ARHGAP39: variants seen among roughly 807,000 people sequenced by gnomAD.
ARHGAP39 encodes Rho GTPase activating protein 39.
In ARHGAP39, 44 loss-of-function variants were observed where a neutral mutation model predicts 106.9. That is an observed-to-expected ratio of 0.41 (90% CI 0.32 to 0.53). ARHGAP39 has a LOEUF of 0.53. Ranked by LOEUF, ARHGAP39 falls within the 20% of genes least tolerant of loss-of-function variation. The pLI is 0.21. For missense variants in ARHGAP39, 1,496 were observed against 1,577.3 expected, an observed-to-expected ratio of 0.95 and a Z score of 0.87; for synonymous variants, 768 against 693.2, an observed-to-expected ratio of 1.11 and a Z score of -1.69.
chr8:144,652,764 G>A (rs1003824681), intron 1 of ARHGAP39, among the ~76,000 whole-genome samples: 1 of 152,050 alleles, frequency 6.6e-6, no homozygotes, highest in Non-Finnish European at 1.5e-5. Flanking sequence ...CCTGAGGGTG[G>A]AGGGTGGGGA....
In ARHGAP39 at chr8:144,545,625, G is replaced by A. The variant is rs1817382051; in HGVS notation, c.2145C>T (p.Ser715=). Reference sequence around the variant, plus strand: ...TGCTCCAGGCCAGCATGTTGGCGATGGACACCTTCCGCCGGAAGAGGCCCT... The same window carrying A: ...TGCTCCAGGCCAGCATGTTGGCGATAGACACCTTCCGCCGGAAGAGGCCCT... ...HTQGLFRRKV[S]IANMLAWSSE... Residue 715 remains serine (S), a synonymous_variant, in exon 6 of 12, where the codon TCC becomes TCT. Coordinates refer to ENST00000377307, the MANE Select transcript of ARHGAP39 (RefSeq NM_025251.3). The A allele has an allele frequency of 6.2e-7, 1 of 1,613,730 alleles. No individual in the cohort carries two copies. Among genetic ancestry groups the A allele is most frequent in the African/African-American group, 1.3e-5 (1 of 75,058 alleles).
intron 1 of ARHGAP39, among the ~76,000 whole-genome samples, chr8:144,614,577 T>G (rs964540552): frequency 6.6e-6 from 1 of 152,228 alleles, no homozygotes; most frequent in African/African-American, 2.4e-5. Flanking sequence ...GGTCTTGAAC[T>G]CCTGGCCTCA....
chr8:144,584,429 CTT>C (rs1408898949), intron 2 of ARHGAP39, among the ~76,000 whole-genome samples: 1 of 151,256 alleles, frequency 6.6e-6, no homozygotes, highest in Admixed American at 6.6e-5. Flanking sequence ...TGTTAAATAG[CTT>C]TGTTTCCTCA....
intron 1 of ARHGAP39, among the ~76,000 whole-genome samples, chr8:144,620,630 G>A (rs1225056492): frequency 1.3e-5 from 2 of 150,848 alleles, no homozygotes; most frequent in Non-Finnish European, 3.0e-5. Context: ...CATGCCCACT[G>A]CTCAAGCAGC....
intron 1 of ARHGAP39, among the ~76,000 whole-genome samples, chr8:144,657,794 T>G (rs1157221481): frequency 6.6e-6 from 1 of 152,180 alleles, no homozygotes; most frequent in East Asian, 1.9e-4. Flanking sequence ...CACCATTTAT[T>G]CTAAATAAAA....
At chr8:144,615,702 C>T (rs11993884) in intron 1 of ARHGAP39, among the ~76,000 whole-genome samples, 4,285 of 152,338 alleles carry the variant, frequency 0.028, 204 homozygotes, top group African/African-American at 0.098. Flanking sequence ...AAGTTCCACT[C>T]TCAATGCTGT....
chr8:144,619,987 C>T (rs573116500), intron 1 of ARHGAP39, among the ~76,000 whole-genome samples: 52 of 135,352 alleles, frequency 3.8e-4, no homozygotes, highest in Admixed American at 2.2e-3. Flanking sequence ...CATCTGAGAG[C>T]GTGTGTGCCC....
intron 2 of ARHGAP39, chr8:144,584,102 T>A (rs1406568198): frequency 6.6e-6 from 1 of 152,282 alleles, no homozygotes; most frequent in East Asian, 1.9e-4. Context: ...TACATGTATA[T>A]AGTTGTCTAG....
intron 1 of ARHGAP39, among the ~76,000 whole-genome samples, chr8:144,616,277 T>C (rs1820633742): frequency 6.6e-6 from 1 of 152,202 alleles, no homozygotes; most frequent in African/African-American, 2.4e-5. Flanking sequence ...TCTGTGTCCA[T>C]GGTCAAAAGA....
intron 2 of ARHGAP39, among the ~76,000 whole-genome samples, chr8:144,599,467 T>C (rs962907658): frequency 6.6e-6 from 1 of 152,214 alleles, no homozygotes; most frequent in Non-Finnish European, 1.5e-5. Flanking sequence ...AACATCTGTT[T>C]ATTCTTCACA....
rs756218995 is a variant in ARHGAP39 at position 144,547,233 on chromosome 8, C to G, written c.1853G>C (p.Arg618Thr). 6.2e-7 allele frequency: 1 copy of G among 1,612,642 alleles called. No homozygotes were observed. Among genetic ancestry groups the G allele is most frequent in the Admixed American group, 1.7e-5 (1 of 60,002 alleles). Residue 618 changes from arginine (R) to threonine (T), a missense_variant, in exon 5 of 12, where the codon AGG (arginine) becomes ACG (threonine). This residue lies in a region of ARHGAP39 where 905 missense variants were observed against 816.4 expected (regional missense o/e 1.11). Coordinates refer to ENST00000377307, the MANE Select transcript of ARHGAP39 (RefSeq NM_025251.3). The surrounding 1 kb of genome is among the most constrained non-coding windows in gnomAD (Gnocchi z 5.2). ...GCCTAGCTTCTCGAAGGTGCCCCTCCTCCAGTGCCTGTTCTCCTGCTGGGC... is the reference window on the plus strand; with the variant it reads ...GCCTAGCTTCTCGAAGGTGCCCCTCGTCCAGTGCCTGTTCTCCTGCTGGGC... ...ALAQQENRHW[R>T]RGTFEKLGFP...
Position 144,656,807 on chromosome 8 carries a change from C to CAAAAAAAAAAAA in ARHGAP39, c.-82+28867_-82+28878dup, listed in dbSNP as rs35058065. On this transcript the variant is annotated intron_variant, in intron 1 of 11. Transcript: ENST00000377307. ...TGGATGACAGAGCAAGACTCCATCT[C>CAAAAAAAAAAAA]AAAAAAAAAAAAAAAAAAAAAAAAA... Among the ~76,000 whole-genome samples the CAAAAAAAAAAAA allele has an allele frequency of 4.7e-5, 2 of 42,344 alleles. 1 individual carries two copies. The highest frequency in any genetic ancestry group is 1.8e-4 in the African/African-American group (2 of 11,068). 27.8% of individuals were successfully genotyped at this position (42,344 alleles called of 152,430 possible). A position where few individuals can be genotyped will look rare whatever the true frequency, so the allele number is the denominator to read the frequency against.
At chr8:144,602,126 GGTGT>G (rs767800768) in intron 2 of ARHGAP39, among the ~76,000 whole-genome samples, 7 of 140,178 alleles carry the variant, frequency 5.0e-5, no homozygotes, top group Admixed American at 1.5e-4. Context: ...TGTGCATGGA[GGTGT>G]GTGTGCGAGC....
intron 1 of ARHGAP39, among the ~76,000 whole-genome samples, chr8:144,630,602 G>C (rs966918468): frequency 4.4e-4 from 67 of 152,320 alleles, no homozygotes; most frequent in African/African-American, 1.6e-3. Flanking sequence ...TTTCCTATTT[G>C]CTGTGGTGTG....
In ARHGAP39 at chr8:144,645,194, T is replaced by C. The variant is rs1023328493; in HGVS notation, c.-81-39499A>G. Among the ~76,000 whole-genome samples, 1 of 152,220 alleles carries C rather than the reference T, an allele frequency of 6.6e-6. No individual in the cohort carries two copies. The highest frequency in any genetic ancestry group is 2.4e-5 in the African/African-American group (1 of 41,462). Reference sequence around the variant, plus strand: ...TCATACTCAGAGCTGCAGATGCCAGTGCAACCATGTGGAGAAGAAGCTGGA... The same window carrying C: ...TCATACTCAGAGCTGCAGATGCCAGCGCAACCATGTGGAGAAGAAGCTGGA... On this transcript the variant is annotated intron_variant, in intron 1 of 11. Transcript: ENST00000377307. The surrounding 1 kb of genome is among the most constrained non-coding windows in gnomAD (Gnocchi z 4.4).
chr8:144,645,277 G>A lies in ARHGAP39; in HGVS notation c.-81-39582C>T, dbSNP rs1821413160. Among the ~76,000 whole-genome samples, 1 of 152,242 alleles carries A rather than the reference G, an allele frequency of 6.6e-6. No individual in the cohort carries two copies. Among genetic ancestry groups the A allele is most frequent in the Non-Finnish European group, 1.5e-5 (1 of 68,044 alleles). On this transcript the variant is annotated intron_variant, in intron 1 of 11. Transcript: ENST00000377307. This position sits in a 1 kb window ranked among gnomAD's most constrained non-coding sequence, Gnocchi z 4.4. ...CTCTGGGACACTACATGAACTGAAGGCACGAGAAGTCCAGGTGTCAAGGAG... is the reference window on the plus strand; with the variant it reads ...CTCTGGGACACTACATGAACTGAAGACACGAGAAGTCCAGGTGTCAAGGAG...
intron 3 of ARHGAP39, among the ~76,000 whole-genome samples, chr8:144,577,346 G>A (rs1040052733): frequency 2.0e-5 from 3 of 152,130 alleles, no homozygotes; most frequent in Non-Finnish European, 2.9e-5. Context: ...GAGAAACCAC[G>A]TGATCATCTT....
At chr8:144,599,303 G>A (rs1563696426) in intron 2 of ARHGAP39, among the ~76,000 whole-genome samples, 1 of 152,168 alleles carries the variant, frequency 6.6e-6, no homozygotes, top group Non-Finnish European at 1.5e-5. Context: ...CACAATAGAG[G>A]CCCAGGAAGC....
At position 144,545,259 on chromosome 8, in the gene ARHGAP39, A is replaced by G; in HGVS notation, c.2511T>C (p.Asn837=). The G allele has an allele frequency of 6.5e-7, 1 of 1,541,436 alleles. No homozygotes were observed. Among genetic ancestry groups the G allele is most frequent in the East Asian group, 2.3e-5 (1 of 43,376 alleles). The change falls in exon 6 of 12, where the codon AAT becomes AAC. Residue 837 remains asparagine (N), a synonymous_variant. Transcript: ENST00000377307. ...GYIYRHMDPV[N]DTKVTQHIKE... ...CGTGCATGGCCTTACCTTTAGTGTCATTGACGGGGTCCATGTGCCGGTAGA... is the reference window on the plus strand; with the variant it reads ...CGTGCATGGCCTTACCTTTAGTGTCGTTGACGGGGTCCATGTGCCGGTAGA...
Sources: gnomAD v4.1 joint callset for allele counts (sites outside exome capture counted in the v4.1 genomes callset) on GRCh38, gnomAD v4.1.1 for gene constraint, gnomAD v4.1.1 regional missense constraint, Gnocchi (gnomAD v3.1) non-coding constraint, MANE v1.5 for transcripts, NCBI Gene and HGNC (gene_info 2026-07-23, HGNC 2026-07-21) for gene names.